The following DNTTIP1 variants were observed in gnomAD, a reference collection of about 807,000 sequenced individuals.
DNTTIP1 encodes the protein deoxynucleotidyltransferase terminal interacting protein 1, also known as deoxynucleotidyltransferase terminal-interacting protein 1.
A neutral mutation model predicts 52.9 loss-of-function variants in DNTTIP1; 22 were observed. The observed-to-expected ratio is 0.42, with a 90% confidence interval of 0.30 to 0.59. The LOEUF is 0.59. Among genes scored for constraint, DNTTIP1 ranks in the 20% least tolerant of loss-of-function variants. The pLI is 0.22. For missense variants in DNTTIP1, 286 were observed against 435.5 expected (o/e 0.66, Z 3.06); for synonymous variants, 136 against 155.1 (o/e 0.88, Z 0.92).
intron 4 of DNTTIP1, among the ~76,000 whole-genome samples, chr20:45,800,499 C>A (rs1271960546): frequency 6.8e-6 from 1 of 147,426 alleles, no homozygotes; most frequent in Non-Finnish European, 1.5e-5. Flanking sequence ...CATGGTGAAA[C>A]CCCGTTTCTA....
intron 10 of DNTTIP1, among the ~76,000 whole-genome samples, chr20:45,807,306 G>A (rs1244858404): frequency 6.6e-6 from 1 of 151,984 alleles, no homozygotes; most frequent in East Asian, 1.9e-4. Flanking sequence ...ATTTTTAGTA[G>A]AGATGGGGTT....
rs768988044 is a variant in DNTTIP1 at position 45,801,409 on chromosome 20, G to A, written c.449G>A (p.Arg150His). The part of the protein sequence containing the change: ...THELPGIKRG[R>H]QAEEECAHRG... ...CCTTCCCTTTTCTTTTAGCGTGGCCGTCAGGCAGAAGAAGAATGTGCCCAT... is the reference window on the plus strand; with the variant it reads ...CCTTCCCTTTTCTTTTAGCGTGGCCATCAGGCAGAAGAAGAATGTGCCCAT... The change falls in exon 6 of 13, where the codon CGT becomes CAT. Residue 150 changes from arginine (R) to histidine (H), a missense_variant. Coordinates refer to ENST00000372622, the MANE Select transcript of DNTTIP1 (RefSeq NM_052951.3). The A allele has an allele frequency of 2.3e-5, 37 of 1,614,024 alleles. No individual in the cohort carries two copies. Among genetic ancestry groups the A allele is most frequent in the Middle Eastern group, 1.6e-4 (1 of 6,084 alleles).
intron 8 of DNTTIP1, 31 bp downstream of exon 8, chr20:45,803,409 G>A (rs780040908): frequency 1.7e-5 from 28 of 1,612,870 alleles, no homozygotes; most frequent in South Asian, 1.6e-4. Flanking sequence ...CAGAGATCAC[G>A]ATCCCAGGAG....
At position 45,792,063 on chromosome 20, in the gene DNTTIP1, G is replaced by T. The variant is rs896822496; in HGVS notation, c.59G>T (p.Gly20Val). ...PRGPSGAERG[G>V]LELGDAGAAG... ...GGACCTAGCGGGGCCGAGAGGGGCG[G>T]CTTGGAGCTGGGGGATGCGGGCGCA... is the stretch of plus-strand genomic sequence containing the variant. Residue 20 changes from glycine to valine, a missense_variant, in exon 1 of 13, where the codon GGC becomes GTC. Physicochemically the swap from Gly to Val is moderately radical, Grantham distance 109 (BLOSUM62 -3). Coordinates refer to ENST00000372622, the MANE Select transcript of DNTTIP1 (RefSeq NM_052951.3). 6 of 1,285,656 alleles carry T rather than the reference G, an allele frequency of 4.7e-6. No homozygotes were observed. The highest frequency in any genetic ancestry group is 4.5e-5 in the African/African-American group (3 of 66,192). 79.6% of individuals were successfully genotyped at this position (1,285,656 alleles called of 1,614,324 possible).
At position 45,792,472 on chromosome 20, in the gene DNTTIP1, G is replaced by C. The variant is rs1981058746; in HGVS notation, c.106-205G>C. ...CTTCCTCCTGCCGTGCCAGAAGGCA[G>C]GGTCGGGACTTTTAAGGCAGGAAAC... On this transcript the variant is annotated intron_variant, in intron 1 of 12. Coordinates refer to ENST00000372622, the MANE Select transcript of DNTTIP1 (RefSeq NM_052951.3). The C allele has an allele frequency of 7.9e-6, 4 of 506,784 alleles. No homozygotes were observed. In the South Asian group the frequency reaches 9.4e-5, roughly 12 times the overall value. 31.4% of individuals were successfully genotyped at this position (506,784 alleles called of 1,614,324 possible).
chr20:45,793,904 C>T lies in DNTTIP1; in HGVS notation c.177-17C>T, dbSNP rs780321251. On this transcript the variant is annotated splice_polypyrimidine_tract_variant and intron_variant, in intron 2 of 12. Coordinates refer to ENST00000372622, the MANE Select transcript of DNTTIP1 (RefSeq NM_052951.3). ...TTTGGGACATGCCCCCTCACCCTGT[C>T]TCCCTCCTGAATGCAGTTTCACAGA... 20 of 1,549,520 alleles carry T rather than the reference C, an allele frequency of 1.3e-5. No homozygotes were observed. The highest frequency in any genetic ancestry group is 1.6e-5 in the Non-Finnish European group (18 of 1,137,778).
rs375965752 is a variant in DNTTIP1, at chr20:45,811,016, T to A, written c.852-41T>A. ...CCCCTAGAATGAGGCAGGGCCTACA[T>A]CCTCACTTCCCCCAACTTCTCTCTT... On this transcript the variant is annotated intron_variant, in intron 12 of 12. Coordinates refer to ENST00000372622, the MANE Select transcript of DNTTIP1 (RefSeq NM_052951.3). 1.1e-5 allele frequency: 17 copies of A among 1,613,272 alleles called. No individual in the cohort carries two copies. In the African/African-American group the frequency reaches 2.0e-4, roughly 19 times the overall value.
Position 45,801,387 on chromosome 20 carries a change from T to C in DNTTIP1, c.442-15T>C. The C allele has an allele frequency of 6.2e-7, 1 of 1,614,096 alleles. No homozygotes were observed. The highest frequency in any genetic ancestry group is 1.1e-5 in the South Asian group (1 of 91,088). ...GGCACTGGCCTTCCACTGACTCCCT[T>C]CCCTTTTCTTTTAGCGTGGCCGTCA... On this transcript the variant is annotated splice_polypyrimidine_tract_variant and intron_variant, in intron 5 of 12. Coordinates refer to ENST00000372622, the MANE Select transcript of DNTTIP1 (RefSeq NM_052951.3).
chr20:45,801,238 C>A, intron 5 of DNTTIP1, 96 bp downstream of exon 5: 2 of 1,420,360 alleles, frequency 1.4e-6, no homozygotes, highest in African/African-American at 1.4e-5. Context: ...CATGTACTTC[C>A]ATTTGTAGGA....
At chr20:45,793,334 G>GGGTGGATCACCTGAGGTC (rs1176437944) in intron 2 of DNTTIP1, among the ~76,000 whole-genome samples, 1 of 152,024 alleles carries the variant, frequency 6.6e-6, no homozygotes, top group African/African-American at 2.4e-5. Flanking sequence ...AGGCTGAGGT[G>GGGTGGATCACCTGAGGTC]GGTGGATCAC....
At chr20:45,804,378 C>T (rs6514063) in intron 8 of DNTTIP1, among the ~76,000 whole-genome samples, 8,752 of 152,202 alleles carry the variant, frequency 0.058, 637 homozygotes, top group African/African-American at 0.16. Flanking sequence ...CTAGCTCAGG[C>T]CCTTAGCAGC....
rs560348115 is a variant in DNTTIP1, at chr20:45,808,917, T to C, written c.724-197T>C. Among the ~76,000 whole-genome samples the C allele has an allele frequency of 1.1e-4, 17 of 152,286 alleles. No homozygotes were observed. The South Asian group carries it at 3.3e-3, about 30-fold the overall frequency. ...GGGGATTGGGAGTATACTAAGTCTC[T>C]GGGAATTGGGTCCCATGGTCTGCCC... is the stretch of plus-strand genomic sequence containing the variant. On this transcript the variant is annotated intron_variant, in intron 10 of 12. Coordinates refer to ENST00000372622, the MANE Select transcript of DNTTIP1 (RefSeq NM_052951.3).
chr20:45,800,722 T>A lies in DNTTIP1; in HGVS notation c.373-352T>A, dbSNP rs867054330. On this transcript the variant is annotated intron_variant, in intron 4 of 12. Transcript: ENST00000372622. ...ATATATATATATATATATATATATATATATATATATATATATATATATATA... is the reference window on the plus strand; with the variant it reads ...ATATATATATATATATATATATATAAATATATATATATATATATATATATA... Among the ~76,000 whole-genome samples the A allele has an allele frequency of 6.8e-3, 71 of 10,490 alleles. 9 individuals carry two copies. Among genetic ancestry groups the A allele is most frequent in the African/African-American group, 9.9e-3 (60 of 6,056 alleles). 6.9% of individuals were successfully genotyped at this position (10,490 alleles called of 152,430 possible). A position where few individuals can be genotyped will look rare whatever the true frequency, so the allele number is the denominator to read the frequency against.
intron 7 of DNTTIP1, 65 bp downstream of exon 7, chr20:45,802,122 A>G (rs1981494578): frequency 6.5e-7 from 1 of 1,541,136 alleles, no homozygotes; most frequent in Non-Finnish European, 9.0e-7. Context: ...GCCCTGAAGG[A>G]AAAGAGTCCA....
intron 8 of DNTTIP1, among the ~76,000 whole-genome samples, chr20:45,804,025 C>T (rs997260427): frequency 7.2e-5 from 11 of 152,186 alleles, no homozygotes; most frequent in Non-Finnish European, 1.3e-4. Flanking sequence ...TAAAGTAACT[C>T]TCTGGATAAT....
chr20:45,807,844 C>T (rs1981699074), intron 10 of DNTTIP1, among the ~76,000 whole-genome samples: 3 of 151,950 alleles, frequency 2.0e-5, no homozygotes, highest in South Asian at 4.2e-4. Context: ...CTACTCTACT[C>T]GGGAGGCTGA....
chr20:45,800,486 C>T (rs1981390880), intron 4 of DNTTIP1, among the ~76,000 whole-genome samples: 1 of 151,146 alleles, frequency 6.6e-6, no homozygotes, highest in Admixed American at 6.6e-5. Flanking sequence ...CCAGCCTGGC[C>T]AACATGGTGA....
rs778329506 is a variant in DNTTIP1 at position 45,801,368 on chromosome 20, G to A, written c.442-34G>A. 2.5e-6 allele frequency: 4 copies of A among 1,612,932 alleles called. No individual in the cohort carries two copies. The Admixed American group carries it at 6.7e-5, about 27-fold the overall frequency. On this transcript the variant is annotated intron_variant, in intron 5 of 12. Coordinates refer to ENST00000372622, the MANE Select transcript of DNTTIP1 (RefSeq NM_052951.3). ...AGAAGACCTGCAGCTCCCAGGCACT[G>A]GCCTTCCACTGACTCCCTTCCCTTT...
intron 4 of DNTTIP1, among the ~76,000 whole-genome samples, chr20:45,799,309 A>C (rs73306471): frequency 0.017 from 2,561 of 152,334 alleles, 72 homozygotes; most frequent in African/African-American, 0.058. Flanking sequence ...TAGAAGGAAC[A>C]CAGGAAGTGT....
Sources: allele counts gnomAD v4.1 joint callset (sites outside exome capture counted in the v4.1 genomes callset), GRCh38; gene constraint gnomAD v4.1.1; transcripts MANE v1.5; gene names NCBI Gene and HGNC (gene_info 2026-07-23, HGNC 2026-07-21).